Variants in COL8A1 observed in about 807,000 individuals in gnomAD.
The protein encoded by COL8A1 is collagen alpha-1(VIII) chain.
A neutral mutation model predicts 42.7 loss-of-function variants in COL8A1; 21 were observed. That is an observed-to-expected ratio of 0.49 (90% CI 0.35 to 0.71). The LOEUF (loss-of-function observed/expected upper bound fraction) is 0.71. COL8A1 is among the 30% of genes least tolerant of loss of function. The pLI is 0.01. For synonymous variants in COL8A1, 367 were observed against 369.1 expected (o/e 0.99, Z 0.06); for missense variants, 788 against 962.4 (o/e 0.82, Z 2.40).
intron 1 of COL8A1, among the ~76,000 whole-genome samples, chr3:99,697,760 C>T (rs574923930): frequency 6.6e-5 from 10 of 152,212 alleles, no homozygotes; most frequent in Non-Finnish European, 1.3e-4. Flanking sequence ...GATACACATT[C>T]GAGCATTTCT....
intron 2 of COL8A1, among the ~76,000 whole-genome samples, chr3:99,761,327 T>G (rs1284056489): frequency 6.6e-6 from 1 of 152,174 alleles, no homozygotes; most frequent in Admixed American, 6.5e-5. Flanking sequence ...TAGTTATTAT[T>G]TTCATGGTAC....
At chr3:99,651,332 A>G (rs575888638) in intron 1 of COL8A1, among the ~76,000 whole-genome samples, 19 of 152,358 alleles carry the variant, frequency 1.2e-4, no homozygotes, top group African/African-American at 4.6e-4. Context: ...AATTCAGCTC[A>G]CAGATTTTTG....
intron 1 of COL8A1, among the ~76,000 whole-genome samples, 182 bp downstream of exon 1, chr3:99,638,846 T>C (rs985086214): frequency 1.3e-5 from 2 of 152,148 alleles, no homozygotes; most frequent in African/African-American, 4.8e-5. Context: ...AAATAAAAGC[T>C]CCTTCAGGGA....
At chr3:99,736,376 A>G (rs890300070) in intron 1 of COL8A1, among the ~76,000 whole-genome samples, 6 of 152,124 alleles carry the variant, frequency 3.9e-5, no homozygotes, top group Admixed American at 3.3e-4. Flanking sequence ...GGTTTCAAAG[A>G]ACATCTTTTT....
At chr3:99,663,977 A>AT (rs1205781967) in intron 1 of COL8A1, among the ~76,000 whole-genome samples, 1 of 152,160 alleles carries the variant, frequency 6.6e-6, no homozygotes, top group Non-Finnish European at 1.5e-5. Context: ...CAATTCATTG[A>AT]TTTGGGGGTT....
At chr3:99,657,158 C>T (rs946118539) in intron 1 of COL8A1, among the ~76,000 whole-genome samples, 10 of 152,126 alleles carry the variant, frequency 6.6e-5, no homozygotes, top group Admixed American at 2.0e-4. Context: ...CTTCAGAAAG[C>T]CAAAGATGTA....
chr3:99,734,646 T>G (rs1940642526), intron 1 of COL8A1, among the ~76,000 whole-genome samples: 1 of 152,016 alleles, frequency 6.6e-6, no homozygotes, highest in African/African-American at 2.4e-5. Flanking sequence ...TTTTTTTGGT[T>G]CCATATGAAC....
rs564555874 is a variant in COL8A1, at chr3:99,780,059, T to C, written c.-3-10621T>C. On this transcript the variant is annotated intron_variant, in intron 2 of 3. Coordinates refer to ENST00000652472, the MANE Select transcript of COL8A1 (RefSeq NM_020351.4). Reference sequence around the variant, plus strand: ...GTGTGCTCAAGATCCCATCTATTATTACCACTGCTCCTCCTCCACCACCAC... The same window carrying C: ...GTGTGCTCAAGATCCCATCTATTATCACCACTGCTCCTCCTCCACCACCAC... Among the ~76,000 whole-genome samples, 11 of 152,318 alleles carry C rather than the reference T, an allele frequency of 7.2e-5. No individual in the cohort carries two copies. The East Asian group carries it at 1.9e-3, about 27-fold the overall frequency.
intron 1 of COL8A1, among the ~76,000 whole-genome samples, chr3:99,724,465 G>A (rs1212999791): frequency 1.3e-5 from 2 of 152,066 alleles, no homozygotes; most frequent in African/African-American, 4.8e-5. Flanking sequence ...GCCATACCAG[G>A]CTGTTAAATC....
At chr3:99,692,639 T>A (rs1939253885) in intron 1 of COL8A1, among the ~76,000 whole-genome samples, 1 of 152,230 alleles carries the variant, frequency 6.6e-6, no homozygotes, top group Admixed American at 6.5e-5. Context: ...CTATTCTAGG[T>A]TTTGCCTGGG....
At chr3:99,672,960 T>G (rs1938590106) in intron 1 of COL8A1, among the ~76,000 whole-genome samples, 1 of 151,926 alleles carries the variant, frequency 6.6e-6, no homozygotes, top group Admixed American at 6.6e-5. Flanking sequence ...TAGCTCAGAT[T>G]TAGACTTTCA....
intron 1 of COL8A1, among the ~76,000 whole-genome samples, chr3:99,658,890 T>C (rs1458274472): frequency 6.6e-6 from 1 of 152,154 alleles, no homozygotes; most frequent in Non-Finnish European, 1.5e-5. Flanking sequence ...GTGGGCAAAG[T>C]TTCCCAGAGT....
chr3:99,661,230 AT>A (rs892702005), intron 1 of COL8A1, among the ~76,000 whole-genome samples: 1 of 152,234 alleles, frequency 6.6e-6, no homozygotes, highest in African/African-American at 2.4e-5. Context: ...TATCCAGAAT[AT>A]TTTTTAAAAA....
chr3:99,713,053 A>C (rs1939890756), intron 1 of COL8A1, among the ~76,000 whole-genome samples: 2 of 152,152 alleles, frequency 1.3e-5, no homozygotes, highest in Non-Finnish European at 2.9e-5. Context: ...TTCTGATAAT[A>C]GTAGCTAATA....
At chr3:99,657,922 G>A (rs1938075296) in intron 1 of COL8A1, among the ~76,000 whole-genome samples, 1 of 152,078 alleles carries the variant, frequency 6.6e-6, no homozygotes, top group Non-Finnish European at 1.5e-5. Flanking sequence ...AAGGTCAGGA[G>A]TTTGAGACAG....
intron 3 of COL8A1, among the ~76,000 whole-genome samples, chr3:99,792,463 G>A (rs1942019675): frequency 6.6e-6 from 1 of 152,196 alleles, no homozygotes; most frequent in Admixed American, 6.5e-5. Flanking sequence ...AGCAGCATGG[G>A]AGATCCAGAG....
chr3:99,727,404 T>A (rs1940366654), intron 1 of COL8A1, among the ~76,000 whole-genome samples: 2 of 151,958 alleles, frequency 1.3e-5, no homozygotes, highest in African/African-American at 2.4e-5. Flanking sequence ...ATACCCTTTA[T>A]TTCCTTCTCC....
At chr3:99,641,335 T>C (rs1937506193) in intron 1 of COL8A1, among the ~76,000 whole-genome samples, 1 of 152,188 alleles carries the variant, frequency 6.6e-6, no homozygotes, top group African/African-American at 2.4e-5. Context: ...TTGTTTGTTG[T>C]TTTTTAATCA....
intron 1 of COL8A1, among the ~76,000 whole-genome samples, chr3:99,653,897 G>C (rs1024742847): frequency 4.6e-5 from 7 of 152,104 alleles, no homozygotes; most frequent in African/African-American, 1.7e-4. Flanking sequence ...ATGAAAGGGA[G>C]TTTATTAAGG....
Sources: allele counts gnomAD v4.1 joint callset (sites outside exome capture counted in the v4.1 genomes callset), GRCh38; gene constraint gnomAD v4.1.1; transcripts MANE v1.5; gene names NCBI Gene and HGNC (gene_info 2026-07-23, HGNC 2026-07-21).